The following SYN3 variants were observed in gnomAD, a reference collection of about 807,000 sequenced individuals.
SYN3 encodes the protein synapsin-3.
In SYN3, 35 loss-of-function variants were observed where a neutral mutation model predicts 65.8. The observed-to-expected ratio is 0.53, with a 90% CI of 0.41 to 0.70. The LOEUF is 0.70. Among genes scored for constraint, SYN3 ranks in the 30% least tolerant of loss-of-function variants. SYN3 has a pLI of 0.00. For synonymous variants in SYN3, 270 were observed against 292.9 expected, an observed-to-expected ratio of 0.92 and a Z score of 0.80; for missense variants, 680 against 749.0, an observed-to-expected ratio of 0.91 and a Z score of 1.08.
At position 32,556,674 on chromosome 22, in the gene SYN3, G is replaced by C. The variant is rs1196076053; in HGVS notation, c.775-14961C>G. Among the ~76,000 whole-genome samples, 5 of 151,998 alleles carry C rather than the reference G, an allele frequency of 3.3e-5. No individual in the cohort carries two copies. The East Asian group carries it at 9.6e-4, about 29-fold the overall frequency. On this transcript the variant is annotated intron_variant, in intron 7 of 13. Transcript: ENST00000358763. The stretch of plus-strand genomic sequence containing the variant: ...CAGAAGTCTCTGGTGTTATATCCCA[G>C]GGAAAAAAGCCTGACTGCTCCTCAT...
At position 32,518,315 on chromosome 22, in the gene SYN3, C is replaced by T. The variant is rs1436391253; in HGVS notation, c.1338G>A (p.Gln446=). 6.2e-7 allele frequency: 1 copy of T among 1,608,376 alleles called. No individual in the cohort carries two copies. Among genetic ancestry groups the T allele is most frequent in the African/African-American group, 1.3e-5 (1 of 74,456 alleles). The part of the protein sequence containing the change: ...PPPQGGPRQA[Q]SPQPQRSGSP... ...TTCCAGATCTCTGGGGCTGAGGAGACTGAGCTTGGCGAGGGCCTCCTAAGG... is the reference window on the plus strand; with the variant it reads ...TTCCAGATCTCTGGGGCTGAGGAGATTGAGCTTGGCGAGGGCCTCCTAAGG... The change falls in exon 13 of 14, where the codon CAG becomes CAA. Residue 446 remains glutamine, a synonymous_variant. Coordinates refer to ENST00000358763, the MANE Select transcript of SYN3 (RefSeq NM_003490.4).
At chr22:32,598,675 G>C (rs947864341) in intron 6 of SYN3, among the ~76,000 whole-genome samples, 1 of 151,794 alleles carries the variant, frequency 6.6e-6, no homozygotes, top group Non-Finnish European at 1.5e-5. Flanking sequence ...TAGTAGAGAC[G>C]GGGTTTCGCT....
At chr22:32,647,112 T>C (rs2059994678) in intron 6 of SYN3, among the ~76,000 whole-genome samples, 1 of 152,204 alleles carries the variant, frequency 6.6e-6, no homozygotes, top group African/African-American at 2.4e-5. Context: ...GTCTGGGTTT[T>C]ACCTCTCCTA....
chr22:32,780,938 C>T (rs865877332), intron 6 of SYN3, among the ~76,000 whole-genome samples: 7 of 60,138 alleles, frequency 1.2e-4, no homozygotes, highest in Non-Finnish European at 1.6e-4. Flanking sequence ...CCTTCCTTTC[C>T]TTCCTTCCTT....
chr22:32,850,418 G>T (rs1055681356), intron 6 of SYN3, among the ~76,000 whole-genome samples: 2 of 152,082 alleles, frequency 1.3e-5, no homozygotes, highest in African/African-American at 4.8e-5. Flanking sequence ...GGAGGAGCGG[G>T]TGGTATACAA....
chr22:32,775,847 CA>C (rs2045895104), intron 6 of SYN3, among the ~76,000 whole-genome samples: 1 of 152,138 alleles, frequency 6.6e-6, no homozygotes, highest in Non-Finnish European at 1.5e-5. Flanking sequence ...AATGGCCTTC[CA>C]AAAGATATTC....
chr22:32,790,131 A>G (rs1352331089), intron 6 of SYN3, among the ~76,000 whole-genome samples: 1 of 152,234 alleles, frequency 6.6e-6, no homozygotes, highest in African/African-American at 2.4e-5. Context: ...AATATTTAAC[A>G]AGTAGCTCTA....
chr22:32,915,042 A>T (rs1217740175), intron 4 of SYN3, among the ~76,000 whole-genome samples: 2 of 152,150 alleles, frequency 1.3e-5, no homozygotes, highest in African/African-American at 4.8e-5. Flanking sequence ...TTATTTTTTT[A>T]AAAGCAGGCT....
At chr22:33,022,957 A>G (rs1371802632) in intron 1 of SYN3, among the ~76,000 whole-genome samples, 1 of 152,230 alleles carries the variant, frequency 6.6e-6, no homozygotes. Flanking sequence ...AGAGCCCTAC[A>G]GGCAGCACTA....
chr22:32,969,253 T>C (rs376432153), intron 3 of SYN3, among the ~76,000 whole-genome samples: 2 of 152,164 alleles, frequency 1.3e-5, no homozygotes, highest in East Asian at 3.9e-4. Flanking sequence ...GATGCTGTAC[T>C]CTCCTCCAGC....
chr22:33,041,432 A>T (rs890199152), intron 1 of SYN3, among the ~76,000 whole-genome samples: 1 of 151,458 alleles, frequency 6.6e-6, no homozygotes, highest in East Asian at 2.0e-4. Context: ...CTGGGACTAC[A>T]GCTGGGTGCC....
At chr22:32,689,856 T>C (rs1049081849) in intron 6 of SYN3, among the ~76,000 whole-genome samples, 2 of 152,158 alleles carry the variant, frequency 1.3e-5, no homozygotes, top group Admixed American at 6.5e-5. Flanking sequence ...GAGTTTTTCA[T>C]GAATGGGTTC....
At chr22:32,794,823 C>T (rs2046393835) in intron 6 of SYN3, among the ~76,000 whole-genome samples, 1 of 151,998 alleles carries the variant, frequency 6.6e-6, no homozygotes, top group Admixed American at 6.6e-5. Flanking sequence ...CTAGCTGAAT[C>T]CTGAAAGATG....
chr22:33,053,790 G>A (rs2054210351), intron 1 of SYN3, among the ~76,000 whole-genome samples: 1 of 152,182 alleles, frequency 6.6e-6, no homozygotes, highest in African/African-American at 2.4e-5. Context: ...GTCTCCTGGA[G>A]TTGTGGGCTG....
At chr22:32,708,134 T>TA (rs747208646) in intron 6 of SYN3, among the ~76,000 whole-genome samples, 1 of 152,132 alleles carries the variant, frequency 6.6e-6, no homozygotes, top group Non-Finnish European at 1.5e-5. Flanking sequence ...TGTTTAGTAA[T>TA]AAAAAAAGCA....
intron 2 of SYN3, 75 bp from the exon 3 acceptor site, chr22:32,980,777 AC>A (rs1018479201): frequency 1.5e-6 from 2 of 1,345,940 alleles, no homozygotes; most frequent in Non-Finnish European, 2.1e-6. Flanking sequence ...CAAAGGCCTT[AC>A]CCCAGAGGTG....
intron 6 of SYN3, among the ~76,000 whole-genome samples, chr22:32,607,467 T>C (rs1267018636): frequency 6.6e-6 from 1 of 152,150 alleles, no homozygotes; most frequent in Non-Finnish European, 1.5e-5. Flanking sequence ...TCCTTATACC[T>C]GTCCTGACCC....
chr22:32,784,043 T>C (rs1290566554), intron 6 of SYN3, among the ~76,000 whole-genome samples: 1 of 152,266 alleles, frequency 6.6e-6, no homozygotes, highest in African/African-American at 2.4e-5. Flanking sequence ...TAAGTGTTTG[T>C]TATTTTTTCC....
chr22:32,978,104 T>C (rs2052261241), intron 3 of SYN3, among the ~76,000 whole-genome samples: 1 of 152,194 alleles, frequency 6.6e-6, no homozygotes, highest in Admixed American at 6.5e-5. Flanking sequence ...TTGAGGAAGA[T>C]CACTCTAGCG....
Sources: gnomAD v4.1 joint callset for allele counts (sites outside exome capture counted in the v4.1 genomes callset) on GRCh38, gnomAD v4.1.1 for gene constraint, MANE v1.5 for transcripts, NCBI Gene and HGNC (gene_info 2026-07-23, HGNC 2026-07-21) for gene names.